Variants in CFAP161 observed in about 807,000 individuals in gnomAD.
CFAP161 encodes cilia and flagella associated protein 161.
Under a neutral mutation model 29.0 loss-of-function variants are expected in CFAP161, and 25 were observed. That is an observed-to-expected ratio of 0.86 (90% CI 0.63 to 1.20). The LOEUF is 1.20. Among genes scored for constraint, CFAP161 ranks in the 50% most tolerant of loss-of-function variants. CFAP161 has a pLI of 0.00. For synonymous variants in CFAP161, 116 were observed against 137.4 expected, an observed-to-expected ratio of 0.84 and a Z score of 1.09; for missense variants, 367 against 371.9, an observed-to-expected ratio of 0.99 and a Z score of 0.11.
At chr15:81,142,087 G>A (rs1338941422) in intron 4 of CFAP161, among the ~76,000 whole-genome samples, 2 of 151,862 alleles carry the variant, frequency 1.3e-5, no homozygotes, top group East Asian at 3.9e-4. Flanking sequence ...CCCCACCCAC[G>A]TCCAGCTGAT....
intron 1 of CFAP161, chr15:81,127,513 A>G (rs1337219084): frequency 6.6e-6 from 1 of 152,248 alleles, no homozygotes; most frequent in Non-Finnish European, 1.5e-5. Flanking sequence ...TATTTATACC[A>G]GAAAGGACAT....
upstream of CFAP161, chr15:81,134,159 C>G (rs758761757): frequency 7.4e-6 from 5 of 678,062 alleles, no homozygotes; most frequent in African/African-American, 9.1e-5. Flanking sequence ...CACAGACAGC[C>G]GCTGACCCAG....
At chr15:81,128,639 T>C (rs1894671090) in intron 2 of CFAP161, among the ~76,000 whole-genome samples, 1 of 152,212 alleles carries the variant, frequency 6.6e-6, no homozygotes, top group African/African-American at 2.4e-5. Context: ...TCCATGAGGA[T>C]TGAAATCAAT....
intron 4 of CFAP161, among the ~76,000 whole-genome samples, chr15:81,142,198 C>T (rs974418456): frequency 1.5e-4 from 23 of 152,096 alleles, no homozygotes; most frequent in Non-Finnish European, 2.9e-4. Context: ...ACCCAGGCCC[C>T]ATTGCTTTGC....
Position 81,148,343 on chromosome 15 carries a change from A to G in CFAP161, c.716A>G (p.Tyr239Cys), listed in dbSNP as rs781500132. Residue 239 changes from tyrosine (Y) to cysteine (C), a missense_variant, in exon 7 of 7, where the codon TAT (tyrosine) becomes TGT (cysteine). Coordinates refer to ENST00000286732, the MANE Select transcript of CFAP161 (RefSeq NM_173528.4). ...CTGATTCTCTCTTGCTCCAGCACCT[A>G]TTTTGGAAAGGAGGCTGAGGTTGTA... ...AAHRHLFLST[Y>C]FGKEAEVVAH... 8.7e-6 allele frequency: 14 copies of G among 1,609,206 alleles called. No individual in the cohort carries two copies. The highest frequency in any genetic ancestry group is 1.6e-4 in the Middle Eastern group (1 of 6,072).
chr15:81,136,322 G>A (rs953045152), intron 2 of CFAP161, among the ~76,000 whole-genome samples, 194 bp from the exon 3 acceptor site: 2 of 151,704 alleles, frequency 1.3e-5, no homozygotes, highest in African/African-American at 2.4e-5. Flanking sequence ...AGCTTTATTC[G>A]ACTTCATTTG....
chr15:81,122,638 C>T (rs537111173), intron 1 of CFAP161, among the ~76,000 whole-genome samples: 11 of 151,878 alleles, frequency 7.2e-5, no homozygotes, highest in Admixed American at 2.6e-4. Flanking sequence ...ATTACAGGCA[C>T]GCATCACCAT....
At chr15:81,137,431 C>CA (rs11420768) in intron 3 of CFAP161, among the ~76,000 whole-genome samples, 4,989 of 152,102 alleles carry the variant, frequency 0.033, 295 homozygotes, top group African/African-American at 0.11. Flanking sequence ...CCCATCTCTA[C>CA]AAAAAATACA....
intron 5 of CFAP161, among the ~76,000 whole-genome samples, chr15:81,144,928 G>C (rs1356092806): frequency 6.6e-6 from 1 of 152,150 alleles, no homozygotes; most frequent in Non-Finnish European, 1.5e-5. Context: ...TCCGGATGCT[G>C]GGACCCATGG....
chr15:81,111,614 A>G (rs534240102), intron 1 of CFAP161, among the ~76,000 whole-genome samples: 1 of 152,272 alleles, frequency 6.6e-6, no homozygotes, highest in East Asian at 1.9e-4. Flanking sequence ...TGCAGAAGAA[A>G]ACCACCAACT....
intron 1 of CFAP161, among the ~76,000 whole-genome samples, chr15:81,102,905 A>G (rs1008213179): frequency 6.6e-5 from 10 of 152,344 alleles, no homozygotes; most frequent in African/African-American, 1.9e-4. Context: ...GGTTGAATCA[A>G]TGAGGAAGTT....
At chr15:81,122,883 T>C (rs1894593491) in intron 1 of CFAP161, among the ~76,000 whole-genome samples, 1 of 152,040 alleles carries the variant, frequency 6.6e-6, no homozygotes, top group Admixed American at 6.6e-5. Flanking sequence ...TTTAATGGGG[T>C]TGTTTGTTTT....
chr15:81,113,885 G>C (rs1461463484), intron 1 of CFAP161, among the ~76,000 whole-genome samples: 15 of 152,166 alleles, frequency 9.9e-5, no homozygotes, highest in Non-Finnish European at 1.9e-4. Context: ...CCATCACGAG[G>C]CTATCTAAGG....
intron 3 of CFAP161, 117 bp from the exon 4 acceptor site, chr15:81,137,934 A>G (rs1235696892): frequency 1.4e-5 from 10 of 709,142 alleles, no homozygotes; most frequent in Non-Finnish European, 1.8e-5. Context: ...ACAGTATGTG[A>G]ATATAAATTA....
intron 1 of CFAP161, among the ~76,000 whole-genome samples, chr15:81,101,421 G>A (rs1894301781): frequency 6.6e-6 from 1 of 150,864 alleles, no homozygotes. Flanking sequence ...CGGCTACTTG[G>A]GAGGCTGAGG....
intron 1 of CFAP161, among the ~76,000 whole-genome samples, chr15:81,104,444 G>A (rs1388221078): frequency 6.6e-6 from 1 of 152,154 alleles, no homozygotes; most frequent in African/African-American, 2.4e-5. Flanking sequence ...CAAAGTTCTG[G>A]CAGCTACTTT....
intron 5 of CFAP161, among the ~76,000 whole-genome samples, chr15:81,146,403 C>T (rs1895006492): frequency 6.6e-6 from 1 of 152,070 alleles, no homozygotes; most frequent in African/African-American, 2.4e-5. Flanking sequence ...AAAGCCATTG[C>T]TTATCATTTC....
At chr15:81,099,575 G>A (rs1894279377) in intron 1 of CFAP161, 1 of 152,220 alleles carries the variant, frequency 6.6e-6, no homozygotes. Flanking sequence ...CTTGGATTGA[G>A]TCCAGAATTC....
Position 81,135,277 on chromosome 15 carries a change from T to C in CFAP161, c.77T>C (p.Met26Thr), listed in dbSNP as rs755313540. The C allele has an allele frequency of 6.9e-6, 11 of 1,592,316 alleles. No homozygotes were observed. Among genetic ancestry groups the C allele is most frequent in the Admixed American group, 1.9e-5 (1 of 54,018 alleles). ...NEDVYLEEEL[M>T]KDFLEKRDKG... ...TGTTGATTTTCTGTTTAGGAGCTCATGAAAGACTTCTTAGAGAAGAGAGAC... is the reference window on the plus strand; with the variant it reads ...TGTTGATTTTCTGTTTAGGAGCTCACGAAAGACTTCTTAGAGAAGAGAGAC... Residue 26 changes from methionine to threonine, a missense_variant, in exon 2 of 7, where the codon ATG (methionine) becomes ACG (threonine). By Grantham distance (81) the Met-to-Thr change is moderately conservative. Coordinates refer to ENST00000286732, the MANE Select transcript of CFAP161 (RefSeq NM_173528.4).
Sources: gnomAD v4.1 joint callset for allele counts (sites outside exome capture counted in the v4.1 genomes callset) on GRCh38, gnomAD v4.1.1 for gene constraint, MANE v1.5 for transcripts, NCBI Gene and HGNC (gene_info 2026-07-23, HGNC 2026-07-21) for gene names.